Variants in MTHFD2 observed in about 807,000 individuals in gnomAD.
MTHFD2 encodes the protein bifunctional methylenetetrahydrofolate dehydrogenase/cyclohydrolase, mitochondrial.
Under a neutral mutation model 36.8 loss-of-function variants are expected in MTHFD2, and 26 were observed. The observed-to-expected ratio is 0.71, with a 90% CI of 0.52 to 0.98. MTHFD2 has a LOEUF of 0.98. Ranked by LOEUF, MTHFD2 falls within the 50% of genes least tolerant of loss-of-function variation. MTHFD2 has a pLI of 0.00. For missense variants in MTHFD2, 373 were observed against 434.0 expected, an observed-to-expected ratio of 0.86 and a Z score of 1.25; for synonymous variants, 164 against 155.2, an observed-to-expected ratio of 1.06 and a Z score of -0.42.
chr2:74,201,201 TG>T (rs1003010933), intron 1 of MTHFD2, among the ~76,000 whole-genome samples: 2 of 152,078 alleles, frequency 1.3e-5, no homozygotes, highest in Non-Finnish European at 2.9e-5. Context: ...TTGGCCAGGC[TG>T]GTCTCGACCT....
intron 4 of MTHFD2, 79 bp downstream of exon 4, chr2:74,208,800 C>T: frequency 7.0e-7 from 1 of 1,431,636 alleles, no homozygotes; most frequent in East Asian, 2.3e-5. Context: ...TCATACAGTC[C>T]CAAAGAGTGG....
At chr2:74,207,920 C>G in intron 3 of MTHFD2, 94 bp downstream of exon 3, 1 of 1,282,656 alleles carries the variant, frequency 7.8e-7, no homozygotes, top group Non-Finnish European at 1.1e-6. Context: ...CCCTCCTCCT[C>G]CCTCTCCTTT....
At position 74,205,864 on chromosome 2, in the gene MTHFD2, C is replaced by A. The variant is rs1320488323; in HGVS notation, c.261C>A (p.Asn87Lys). 2 of 1,613,772 alleles carry A rather than the reference C, an allele frequency of 1.2e-6. No individual in the cohort carries two copies. The highest frequency in any genetic ancestry group is 1.7e-5 in the Admixed American group (1 of 59,956). The change falls in exon 2 of 8, where the codon AAC (asparagine) becomes AAA (lysine). Residue 87 changes from asparagine to lysine, a missense_variant. Physicochemically the swap from Asn to Lys is moderately conservative, Grantham distance 94. Around this residue, in one of 2 missense-constraint regions of MTHFD2, gnomAD observed 308 missense variants for 397.8 expected, o/e 0.77. Coordinates refer to ENST00000394053, the MANE Select transcript of MTHFD2 (RefSeq NM_006636.4). ...CTGCAAGTCACTCCTATGTCCTCAA[C>A]AAAACCAGGGCAGCTGCAGTTGTGG... ...ENPASHSYVL[N>K]KTRAAAVVGI...
In MTHFD2 at chr2:74,203,906, G is replaced by GTTTAGTTTAGTTTAGT. The variant is rs369717981; in HGVS notation, c.102-1797_102-1796insTAGTTTAGTTTAGTTT. The stretch of plus-strand genomic sequence containing the variant: ...GTTTAGTTTAGTTTAGTTTAGTTTA[G>GTTTAGTTTAGTTTAGT]TTAGTTTAGTTTAGTTTAGTTTTTT... On this transcript the variant is annotated intron_variant, in intron 1 of 7. Transcript: ENST00000394053. Among the ~76,000 whole-genome samples the GTTTAGTTTAGTTTAGT allele has an allele frequency of 1.1e-3, 33 of 29,536 alleles. 1 individual carries two copies. In the South Asian group the frequency reaches 0.013, roughly 12 times the overall value. 19.4% of individuals were successfully genotyped at this position (29,536 alleles called of 152,430 possible).
In MTHFD2 at chr2:74,212,032, C is replaced by G. The variant is rs550402346; in HGVS notation, c.889+166C>G. ...TGGCGCGATCTCGGCTCACTGCAAC[C>G]TCTGCCTCCTGGGTTCAAGCTATTC... On this transcript the variant is annotated intron_variant, in intron 7 of 7. Coordinates refer to ENST00000394053, the MANE Select transcript of MTHFD2 (RefSeq NM_006636.4). 5.6e-5 allele frequency among the ~76,000 whole-genome samples: 8 copies of G among 143,114 alleles called. 1 individual carries two copies. The South Asian group carries it at 1.5e-3, about 27-fold the overall frequency. 93.9% of individuals were successfully genotyped at this position (143,114 alleles called of 152,430 possible). A position where few individuals can be genotyped will look rare whatever the true frequency, so the allele number is the denominator to read the frequency against.
chr2:74,210,785 G>GTTTTTTTTTTTTT (rs71406865), intron 5 of MTHFD2, among the ~76,000 whole-genome samples: 14,145 of 129,352 alleles, frequency 0.11, 1,294 homozygotes, highest in East Asian at 0.29. Flanking sequence ...CATTAAGTCA[G>GTTTTTTTTTTTTT]TTTTTTTTTT....
intron 1 of MTHFD2, among the ~76,000 whole-genome samples, chr2:74,202,673 C>T (rs1027102629): frequency 2.6e-5 from 4 of 151,974 alleles, no homozygotes; most frequent in South Asian, 2.1e-4. Flanking sequence ...TCTACAGGTG[C>T]GTGCCACCAT....
chr2:74,202,985 A>G, intron 1 of MTHFD2, among the ~76,000 whole-genome samples: 2 of 152,024 alleles, frequency 1.3e-5, no homozygotes, highest in East Asian at 3.9e-4. Context: ...AAAGTATTTG[A>G]TTTGCTGTAA....
chr2:74,211,944 CT>C (rs71406866), intron 7 of MTHFD2, 78 bp downstream of exon 7: 37,769 of 457,960 alleles, frequency 0.082, 1 homozygote, highest in South Asian at 0.14. Context: ...AGATTATTTA[CT>C]TTTTTTTTTT....
intron 6 of MTHFD2, 86 bp from the exon 7 acceptor site, chr2:74,211,655 G>C: frequency 3.1e-6 from 4 of 1,302,252 alleles, no homozygotes; most frequent in East Asian, 2.5e-5. Context: ...TAGTTCTTCA[G>C]GGTCTCTTGA....
intron 3 of MTHFD2, among the ~76,000 whole-genome samples, chr2:74,208,205 A>G (rs57740554): frequency 0.12 from 18,576 of 152,092 alleles, 1,575 homozygotes; most frequent in East Asian, 0.41. Context: ...TCTGAGGGGT[A>G]AAAAGGCCTT....
intron 1 of MTHFD2, among the ~76,000 whole-genome samples, chr2:74,199,707 CAAAA>C (rs34436782): frequency 0.04 from 4,164 of 103,566 alleles, 163 homozygotes; most frequent in African/African-American, 0.13. Flanking sequence ...GACCCTGTCT[CAAAA>C]AAAAAAAAAA....
chr2:74,208,582 G>A lies in MTHFD2; in HGVS notation c.423G>A (p.Glu141=). 6.2e-7 allele frequency: 1 copy of A among 1,614,140 alleles called. No individual in the cohort carries two copies. The highest frequency in any genetic ancestry group is 8.5e-7 in the Non-Finnish European group (1 of 1,179,996). ...TTTCTTTTTCAGAGCATATTGATGA[G>A]AGAAGGATCTGCAATGCTGTTTCTC... ...VQLPLPEHID[E]RRICNAVSPD... The change falls in exon 4 of 8, where the codon GAG becomes GAA. Residue 141 remains glutamate, a synonymous_variant. Transcript: ENST00000394053.
At position 74,198,656 on chromosome 2, in the gene MTHFD2, T is replaced by A. The variant is rs530298132; in HGVS notation, c.15T>A (p.Ser5=). MAAT[S]LMSALAARLL... ...CGGCGCGGTCTATGGCTGCGACTTC[T>A]CTAATGTCTGCTTTGGCTGCCCGGC... Residue 5 remains serine (S), a synonymous_variant, in exon 1 of 8, where the codon TCT becomes TCA. Transcript: ENST00000394053. The A allele has an allele frequency of 6.2e-7, 1 of 1,610,324 alleles. No homozygotes were observed. The highest frequency in any genetic ancestry group is 1.1e-5 in the South Asian group (1 of 90,680).
Position 74,207,785 on chromosome 2 carries a change from A to C in MTHFD2, c.368A>C (p.Asp123Ala). 1 of 1,601,230 alleles carries C rather than the reference A, an allele frequency of 6.2e-7. No homozygotes were observed. Reference sequence around the variant, plus strand: ...AATTTAATCAATAAACTGAATAATGATGATAATGTAGATGGCCTCCTTGTT... The same window carrying C: ...AATTTAATCAATAAACTGAATAATGCTGATAATGTAGATGGCCTCCTTGTT... ...LLNLINKLNN[D>A]DNVDGLLVQL... is the part of the protein sequence containing the mutation. Residue 123 changes from aspartate to alanine, a missense_variant, in exon 3 of 8, where the codon GAT (aspartate) becomes GCT (alanine). By Grantham distance (126) the Asp-to-Ala change is moderately radical. Coordinates refer to ENST00000394053, the MANE Select transcript of MTHFD2 (RefSeq NM_006636.4).
In MTHFD2 at chr2:74,217,047, T is replaced by TA. The variant is rs1454941077; in HGVS notation, c.*2806dup. ...CTGAGATTAAATGTAATCAAACACT[T>TA]ATTGAGAGCTTTCTATGGACCAGGC... On this transcript the variant is annotated 3_prime_UTR_variant, in exon 8 of 8. Coordinates refer to ENST00000394053, the MANE Select transcript of MTHFD2 (RefSeq NM_006636.4). 1 of 152,262 alleles carries TA rather than the reference T, an allele frequency of 6.6e-6. No homozygotes were observed. The highest frequency in any genetic ancestry group is 2.4e-5 in the African/African-American group (1 of 41,552). 9.4% of individuals were successfully genotyped at this position (152,262 alleles called of 1,614,324 possible).
At chr2:74,211,517 A>G in intron 6 of MTHFD2, 1 of 478,230 alleles carries the variant, frequency 2.1e-6, no homozygotes, top group Non-Finnish European at 3.5e-6. Context: ...AAATATTTAT[A>G]TTAATATTTA....
intron 1 of MTHFD2, among the ~76,000 whole-genome samples, chr2:74,203,860 A>T (rs1284631019): frequency 6.9e-5 from 4 of 57,658 alleles, no homozygotes; most frequent in African/African-American, 5.1e-4. Flanking sequence ...AGTTTAGTTT[A>T]GTTTAGTTTA....
At position 74,207,783 on chromosome 2, in the gene MTHFD2, T is replaced by C; in HGVS notation, c.366T>C (p.Asn122=). 1 of 1,605,556 alleles carries C rather than the reference T, an allele frequency of 6.2e-7. No homozygotes were observed. ...TGAATTTAATCAATAAACTGAATAA[T>C]GATGATAATGTAGATGGCCTCCTTG... is the stretch of plus-strand genomic sequence containing the variant. ...ELLNLINKLN[N]DDNVDGLLVQ... Residue 122 remains asparagine (N), a synonymous_variant, in exon 3 of 8, where the codon AAT becomes AAC. Coordinates refer to ENST00000394053, the MANE Select transcript of MTHFD2 (RefSeq NM_006636.4).
Sources: allele counts gnomAD v4.1 joint callset (sites outside exome capture counted in the v4.1 genomes callset), GRCh38; gene constraint gnomAD v4.1.1; regional missense constraint gnomAD v4.1.1; transcripts MANE v1.5; gene names NCBI Gene and HGNC (gene_info 2026-07-23, HGNC 2026-07-21).